Variants in SETD5 observed in about 807,000 individuals in gnomAD.
The protein encoded by SETD5 is SET domain containing 5.
A neutral mutation model predicts 153.3 loss-of-function variants in SETD5; 44 were observed. That is an observed-to-expected ratio of 0.29 (90% CI 0.23 to 0.37). SETD5 has a LOEUF of 0.37. Among genes scored for constraint, SETD5 ranks in the 10% least tolerant of loss-of-function variants. SETD5 has a pLI of 1.00. For synonymous variants in SETD5, 716 were observed against 645.2 expected, an observed-to-expected ratio of 1.11 and a Z score of -1.66; for missense variants, 1,544 against 1,768.0, an observed-to-expected ratio of 0.87 and a Z score of 2.27.
rs368203003 is a variant in SETD5 at position 9,438,526 on chromosome 3, G to GA, written c.568-1921dup. 4.3e-3 allele frequency among the ~76,000 whole-genome samples: 652 copies of GA among 150,870 alleles called. 9 individuals carry two copies. Among genetic ancestry groups the GA allele is most frequent in the Non-Finnish European group, 4.0e-3 (269 of 67,626 alleles). On this transcript the variant is annotated intron_variant, in intron 7 of 22. Coordinates refer to ENST00000402198, the MANE Select transcript of SETD5 (RefSeq NM_001080517.3). ...AGCCTCACAGGTGTGTTAAAATTTA[G>GA]AAAAAAAAATTACTAGTCATTTTGA...
chr3:9,435,583 A>G (rs1448956619), intron 6 of SETD5, 145 bp from the exon 7 acceptor site: 2 of 606,246 alleles, frequency 3.3e-6, no homozygotes, highest in African/African-American at 1.9e-5. Context: ...AAGGAAGATG[A>G]GTATTTAACG....
intron 1 of SETD5, among the ~76,000 whole-genome samples, chr3:9,412,973 A>G (rs550400618): frequency 2.4e-4 from 36 of 151,958 alleles, no homozygotes; most frequent in African/African-American, 8.7e-4. Flanking sequence ...AGAGATTCTC[A>G]TGCCTCAGCC....
rs1250187372 is a variant in SETD5, at chr3:9,470,668, G to A, written c.2934G>A (p.Arg978=). 6.2e-7 allele frequency: 1 copy of A among 1,613,992 alleles called. No homozygotes were observed. The highest frequency in any genetic ancestry group is 8.5e-7 in the Non-Finnish European group (1 of 1,179,888). Residue 978 remains arginine, a synonymous_variant, in exon 19 of 23, where the codon CGG becomes CGA. Coordinates refer to ENST00000402198, the MANE Select transcript of SETD5 (RefSeq NM_001080517.3). ...TLVRNSDQAF[R]TEFNLMYAYS... ...TGAGAAACTCAGACCAGGCATTTCG[G>A]ACAGAGTTCAACTTGATGTATGCCT...
At position 9,434,226 on chromosome 3, in the gene SETD5, A is replaced by G; in HGVS notation, c.178-108A>G. 1.9e-6 allele frequency: 3 copies of G among 1,550,712 alleles called. No individual in the cohort carries two copies. Among genetic ancestry groups the G allele is most frequent in the Non-Finnish European group, 2.6e-6 (3 of 1,137,440 alleles). ...TTCCATATGTACCATACTTTAGGGG[A>G]GAGAGGGGCCAGTGTTTGGACACTG... On this transcript the variant is annotated intron_variant, in intron 4 of 22. Transcript: ENST00000402198. This position sits in a 1 kb window ranked among gnomAD's most constrained non-coding sequence, Gnocchi z 5.6.
At chr3:9,413,339 A>C (rs1158177398) in intron 1 of SETD5, among the ~76,000 whole-genome samples, 2 of 152,218 alleles carry the variant, frequency 1.3e-5, no homozygotes, top group African/African-American at 4.8e-5. Flanking sequence ...TTAATGTAAT[A>C]GTGTGTTCAG....
intron 19 of SETD5, among the ~76,000 whole-genome samples, chr3:9,471,553 ATGT>A (rs1188076496): frequency 6.6e-6 from 1 of 152,180 alleles, no homozygotes; most frequent in Non-Finnish European, 1.5e-5. Context: ...AAACAGTTGG[ATGT>A]TGTTGTATCA....
At chr3:9,473,129 A>G in intron 19 of SETD5, 107 bp from the exon 20 acceptor site, 1 of 1,331,790 alleles carries the variant, frequency 7.5e-7, no homozygotes, top group Non-Finnish European at 1.0e-6. Context: ...TGGCTTGGCT[A>G]GTGGTTTACT....
rs1244281585 is a variant in SETD5, at chr3:9,447,875, A to C, written c.1972A>C (p.Thr658Pro). 6.2e-7 allele frequency: 1 copy of C among 1,613,928 alleles called. No homozygotes were observed. The highest frequency in any genetic ancestry group is 1.3e-5 in the African/African-American group (1 of 75,004). ...LEEGGSNSLV[T>P]PTEAGSLDSS... ...AGAGGGAGGAAGTAACAGTTTAGTAACTCCTACTGAAGCTGGAAGTCTAGA... is the reference window on the plus strand; with the variant it reads ...AGAGGGAGGAAGTAACAGTTTAGTACCTCCTACTGAAGCTGGAAGTCTAGA... Residue 658 changes from threonine to proline, a missense_variant, in exon 15 of 23, where the codon ACT (threonine) becomes CCT (proline). Thr to Pro is a conservative substitution (Grantham distance 38). This residue lies in a region of SETD5 where 782 missense variants were observed against 787.2 expected (regional missense o/e 0.99). Transcript: ENST00000402198.
Position 9,435,727 on chromosome 3 carries a change from G to A in SETD5, c.389-1G>A. 6.4e-7 allele frequency: 1 copy of A among 1,567,704 alleles called. No homozygotes were observed. Among genetic ancestry groups the A allele is most frequent in the Non-Finnish European group, 8.6e-7 (1 of 1,159,926 alleles). ...TGAACTATGAAATCATCATTTTTCA[G>A]GTGGGGATAGCAGTGCAACAGAAAG... is the stretch of plus-strand genomic sequence containing the variant. On this transcript the variant is annotated splice_acceptor_variant, in intron 6 of 22. Coordinates refer to ENST00000402198, the MANE Select transcript of SETD5 (RefSeq NM_001080517.3). LOFTEE classifies it high-confidence loss of function.
intron 1 of SETD5, among the ~76,000 whole-genome samples, chr3:9,414,523 C>T (rs1005589571): frequency 4.6e-5 from 7 of 152,070 alleles, no homozygotes; most frequent in African/African-American, 1.7e-4. Context: ...TCTTGGTTTC[C>T]CTTTTTCCCA....
chr3:9,439,252 T>C (rs1366395291), intron 7 of SETD5, among the ~76,000 whole-genome samples: 1 of 152,218 alleles, frequency 6.6e-6, no homozygotes, highest in African/African-American at 2.4e-5. Flanking sequence ...CCTTTGTTTA[T>C]TGTTCAGTCT....
At chr3:9,432,535 G>A (rs1024076461) in intron 3 of SETD5, among the ~76,000 whole-genome samples, 8 of 152,136 alleles carry the variant, frequency 5.3e-5, no homozygotes, top group East Asian at 1.9e-4. Context: ...ACCAATCATC[G>A]GAGTTTCTAA....
intron 17 of SETD5, among the ~76,000 whole-genome samples, chr3:9,458,616 A>G (rs1304042377): frequency 6.6e-6 from 1 of 152,198 alleles, no homozygotes; most frequent in African/African-American, 2.4e-5. Context: ...CTCTAAAAAT[A>G]ATAAAATAAA....
intron 1 of SETD5, among the ~76,000 whole-genome samples, chr3:9,402,609 C>G (rs2034978247): frequency 6.6e-6 from 1 of 152,160 alleles, no homozygotes; most frequent in Admixed American, 6.5e-5. Context: ...GCTTTCTCTT[C>G]TGTGTTCTTA....
chr3:9,453,814 C>T lies in SETD5; in HGVS notation c.2422C>T (p.Leu808=), dbSNP rs763074429. The part of the protein sequence containing the change: ...SVPQETRTQH[L]YQSNENSSSS... ...ACCCCAAGAGACTAGAACTCAGCAC[C>T]TATACCAAAGCAATGAGAATAGTAG... Residue 808 remains leucine, a synonymous_variant, in exon 17 of 23, where the codon CTA becomes TTA. Coordinates refer to ENST00000402198, the MANE Select transcript of SETD5 (RefSeq NM_001080517.3). 2 of 1,607,104 alleles carry T rather than the reference C, an allele frequency of 1.2e-6. No homozygotes were observed. The highest frequency in any genetic ancestry group is 2.2e-5 in the South Asian group (2 of 89,640).
chr3:9,453,625 T>C, intron 16 of SETD5, 114 bp from the exon 17 acceptor site: 1 of 952,404 alleles, frequency 1.0e-6, no homozygotes, highest in Non-Finnish European at 1.5e-6. Flanking sequence ...CTTGACTGTG[T>C]AACTGAATTA....
Position 9,464,458 on chromosome 3 carries a change from G to A in SETD5, c.2510G>A (p.Arg837His), listed in dbSNP as rs757869495. The change falls in exon 18 of 23, where the codon CGC becomes CAC. Residue 837 changes from arginine to histidine, a missense_variant. Physicochemically the swap from Arg to His is conservative, Grantham distance 29 (BLOSUM62 0). This residue lies in a region of SETD5 where 782 missense variants were observed against 787.2 expected (regional missense o/e 0.99). Coordinates refer to ENST00000402198, the MANE Select transcript of SETD5 (RefSeq NM_001080517.3). ...AGCCCATTAAAGAAATGGAAGTCTC[G>A]CTATCTGATGGAGCAGAATGTCACC... ...LLSPLKKWKSRYLMEQNVTKL... is the reference protein window; with the variant it reads ...LLSPLKKWKSHYLMEQNVTKL... 2 of 1,612,800 alleles carry A rather than the reference G, an allele frequency of 1.2e-6. No individual in the cohort carries two copies. Among genetic ancestry groups the A allele is most frequent in the South Asian group, 1.1e-5 (1 of 91,076 alleles).
intron 7 of SETD5, among the ~76,000 whole-genome samples, chr3:9,436,660 C>T (rs1425010869): frequency 6.6e-6 from 1 of 152,190 alleles, no homozygotes; most frequent in African/African-American, 2.4e-5. Context: ...AAATTAGTCT[C>T]AGAGTTCATT....
At chr3:9,431,138 C>T (rs567669599) in intron 3 of SETD5, 2 of 985,372 alleles carry the variant, frequency 2.0e-6, no homozygotes, top group East Asian at 1.1e-4. Flanking sequence ...AATCTGATGG[C>T]AACTATATGC....
Sources: gnomAD v4.1 joint callset for allele counts (sites outside exome capture counted in the v4.1 genomes callset) on GRCh38, gnomAD v4.1.1 for gene constraint, gnomAD v4.1.1 regional missense constraint, Gnocchi (gnomAD v3.1) non-coding constraint, MANE v1.5 for transcripts, NCBI Gene and HGNC (gene_info 2026-07-23, HGNC 2026-07-21) for gene names.